The following ZNF667 variants were observed in gnomAD, a reference collection of about 807,000 sequenced individuals.
The protein encoded by ZNF667 is myocardial ischemic preconditioning upregulated 1 ortholog.
In ZNF667, 13 loss-of-function variants were observed where a neutral mutation model predicts 31.8. The observed-to-expected ratio is 0.41, with a 90% CI of 0.27 to 0.65. ZNF667 has a LOEUF of 0.65. Ranked by LOEUF, ZNF667 falls within the 30% of genes least tolerant of loss-of-function variation. The pLI is 0.32. For missense variants in ZNF667, 642 were observed against 725.6 expected, an observed-to-expected ratio of 0.88 and a Z score of 1.32; for synonymous variants, 228 against 247.1, an observed-to-expected ratio of 0.92 and a Z score of 0.73.
At position 56,460,830 on chromosome 19, in the gene ZNF667, C is replaced by A; in HGVS notation, c.34-15G>T. 1.3e-6 allele frequency: 2 copies of A among 1,580,008 alleles called. No individual in the cohort carries two copies. Among genetic ancestry groups the A allele is most frequent in the South Asian group, 1.2e-5 (1 of 85,256 alleles). On this transcript the variant is annotated splice_polypyrimidine_tract_variant and intron_variant, in intron 4 of 6. Coordinates refer to ENST00000504904, the MANE Select transcript of ZNF667 (RefSeq NM_001321356.2). ...GTTATAGGTGCCTGAAATGAAAAAT[C>A]AAATGTCTATTCACCATGGACTTGT...
chr19:56,444,324 T>C (rs1019191628), intron 6 of ZNF667: 4 of 398,192 alleles, frequency 1.0e-5, no homozygotes, highest in South Asian at 1.3e-4. Flanking sequence ...GCACATCACA[T>C]GGTGAAACAA....
At chr19:56,457,171 T>C (rs2036344092) in intron 6 of ZNF667, among the ~76,000 whole-genome samples, 1 of 152,162 alleles carries the variant, frequency 6.6e-6, no homozygotes. Context: ...AGGAACCTAT[T>C]TGTCAATGAA....
chr19:56,459,723 G>A (rs923554246), intron 5 of ZNF667, among the ~76,000 whole-genome samples: 1 of 152,200 alleles, frequency 6.6e-6, no homozygotes, highest in African/African-American at 2.4e-5. Context: ...GCTGAGTGCG[G>A]TGGCTCATGC....
rs373710922 is a variant in ZNF667, at chr19:56,460,677, G to A, written c.160+12C>T. On this transcript the variant is annotated intron_variant, in intron 5 of 6. Transcript: ENST00000504904. ...AGGCTGGTTCTGGATTGTGGGGGACGAAGAGCCTTACCAAGCGAGACCAGG... is the reference window on the plus strand; with the variant it reads ...AGGCTGGTTCTGGATTGTGGGGGACAAAGAGCCTTACCAAGCGAGACCAGG... The A allele has an allele frequency of 7.2e-5, 115 of 1,608,252 alleles. No individual in the cohort carries two copies. Among genetic ancestry groups the A allele is most frequent in the Non-Finnish European group, 8.7e-5 (103 of 1,177,352 alleles).
At chr19:56,476,475 A>C (rs1216084891) in intron 1 of ZNF667, among the ~76,000 whole-genome samples, 2 of 152,130 alleles carry the variant, frequency 1.3e-5, no homozygotes, top group Non-Finnish European at 2.9e-5. Flanking sequence ...AAGAAAAACG[A>C]CCACCAGCAC....
At chr19:56,472,525 C>T (rs532010441) in intron 2 of ZNF667, 2 of 152,360 alleles carry the variant, frequency 1.3e-5, no homozygotes, top group Admixed American at 1.3e-4. Context: ...CCCCTTCCGG[C>T]TCCTCCACCT....
intron 6 of ZNF667, among the ~76,000 whole-genome samples, chr19:56,450,592 G>C (rs117773253): frequency 0.011 from 1,702 of 152,284 alleles, 72 homozygotes; most frequent in Admixed American, 0.088. Context: ...TACTGTAATT[G>C]TGATGTGTAA....
intron 3 of ZNF667, among the ~76,000 whole-genome samples, chr19:56,470,300 C>T (rs910175851): frequency 6.6e-6 from 1 of 152,224 alleles, no homozygotes; most frequent in African/African-American, 2.4e-5. Flanking sequence ...AGCCCACATG[C>T]TCTATGCACG....
intron 3 of ZNF667, chr19:56,468,548 C>T (rs2043216025): frequency 6.6e-6 from 1 of 152,230 alleles, no homozygotes; most frequent in African/African-American, 2.4e-5. Flanking sequence ...ACATATAAAA[C>T]CTAGCTGTGC....
chr19:56,475,596 T>G (rs2043388773), intron 1 of ZNF667: 1 of 152,056 alleles, frequency 6.6e-6, no homozygotes, highest in Non-Finnish European at 1.5e-5. Context: ...CTGCACAACA[T>G]CCTATAATAC....
At chr19:56,476,449 C>T (rs921309862) in intron 1 of ZNF667, among the ~76,000 whole-genome samples, 1 of 152,142 alleles carries the variant, frequency 6.6e-6, no homozygotes, top group Non-Finnish European at 1.5e-5. Context: ...ACTACCTCTG[C>T]CTCTGTATAG....
chr19:56,459,513 C>G (rs2043000648), intron 5 of ZNF667, among the ~76,000 whole-genome samples: 1 of 152,158 alleles, frequency 6.6e-6, no homozygotes, highest in Non-Finnish European at 1.5e-5. Context: ...CACACTGCCC[C>G]CTCCTTCAGA....
intron 3 of ZNF667, among the ~76,000 whole-genome samples, chr19:56,466,136 A>G (rs2043154423): frequency 6.6e-6 from 1 of 152,174 alleles, no homozygotes; most frequent in Admixed American, 6.5e-5. Context: ...GCACTGGGAG[A>G]GGACTCCAGG....
At chr19:56,462,286 A>G in intron 4 of ZNF667, 52 bp downstream of exon 4, 1 of 1,611,186 alleles carries the variant, frequency 6.2e-7, no homozygotes, top group Non-Finnish European at 8.5e-7. Context: ...AATGGTCCAC[A>G]TCTCACAAGA....
intron 6 of ZNF667, 154 bp from the exon 7 acceptor site, chr19:56,442,895 T>C: frequency 9.8e-7 from 1 of 1,022,008 alleles, no homozygotes; most frequent in South Asian, 2.4e-5. Flanking sequence ...TTGATGACTA[T>C]ACTAAAGGCT....
chr19:56,471,088 C>G (rs2147837008), intron 3 of ZNF667, among the ~76,000 whole-genome samples: 1 of 152,130 alleles, frequency 6.6e-6, no homozygotes. Context: ...AGTTGAGCAC[C>G]ATCCCTTTGG....
chr19:56,465,902 T>A lies in ZNF667; in HGVS notation c.-59-3473A>T, dbSNP rs554300479. Among the ~76,000 whole-genome samples the A allele has an allele frequency of 4.6e-5, 7 of 152,332 alleles. No homozygotes were observed. In the South Asian group the frequency reaches 1.5e-3, roughly 32 times the overall value. The stretch of plus-strand genomic sequence containing the variant: ...CTGACTGTTAAGAATACCTTCAGCT[T>A]CATGGTGTGGTGCAGGGAGCATACA... On this transcript the variant is annotated intron_variant, in intron 3 of 6. Coordinates refer to ENST00000504904, the MANE Select transcript of ZNF667 (RefSeq NM_001321356.2).
chr19:56,441,835 C>A lies in ZNF667; in HGVS notation c.1160G>T (p.Arg387Ile). Reference sequence around the variant, plus strand: ...GCAGACCTTCTCACATTTATTGCATCTGTATAGTTTTTCTCCATTATGAAT... The same window carrying A: ...GCAGACCTTCTCACATTTATTGCATATGTATAGTTTTTCTCCATTATGAAT... The part of the protein sequence containing the change: ...LRIHNGEKLY[R>I]CNKCEKVCNR... The change falls in exon 7 of 7, where the codon AGA (arginine) becomes ATA (isoleucine). Residue 387 changes from arginine to isoleucine, a missense_variant. Transcript: ENST00000504904. The surrounding 1 kb of genome is among the most constrained non-coding windows in gnomAD (Gnocchi z 4.2). 1 of 1,614,050 alleles carries A rather than the reference C, an allele frequency of 6.2e-7. No individual in the cohort carries two copies. The highest frequency in any genetic ancestry group is 8.5e-7 in the Non-Finnish European group (1 of 1,180,020).
intron 1 of ZNF667, 104 bp downstream of exon 1, chr19:56,477,168 C>A (rs1049939720): frequency 6.6e-6 from 1 of 152,280 alleles, no homozygotes; most frequent in African/African-American, 2.4e-5. Context: ...CCCACGCCAT[C>A]GTGGATGCGC....
Sources: allele counts gnomAD v4.1 joint callset (sites outside exome capture counted in the v4.1 genomes callset), GRCh38; gene constraint gnomAD v4.1.1; non-coding constraint Gnocchi (gnomAD v3.1); transcripts MANE v1.5; gene names NCBI Gene and HGNC (gene_info 2026-07-23, HGNC 2026-07-21).